XPO7: variants seen among roughly 807,000 people sequenced by gnomAD.
XPO7 encodes the protein exportin-7.
A neutral mutation model predicts 144.3 loss-of-function variants in XPO7; 21 were observed. The ratio of observed to expected loss-of-function variants is 0.15; its 90% CI spans 0.10 to 0.21. The LOEUF (loss-of-function observed/expected upper bound fraction) is 0.21. Ranked by LOEUF, XPO7 falls within the 10% of genes least tolerant of loss-of-function variation. The probability of loss-of-function intolerance (pLI) is 1.00; values close to 1 mark genes in which losing one functional copy is unlikely to be tolerated. For synonymous variants in XPO7, 580 were observed against 499.6 expected, an observed-to-expected ratio of 1.16 and a Z score of -2.15; for missense variants, 808 against 1,325.8, an observed-to-expected ratio of 0.61 and a Z score of 6.06.
intron 1 of XPO7, among the ~76,000 whole-genome samples, chr8:21,926,728 A>G (rs1271827166): frequency 2.6e-5 from 4 of 152,200 alleles, no homozygotes; most frequent in Non-Finnish European, 2.9e-5. Flanking sequence ...TATTTCACAT[A>G]TCAATACATC....
chr8:21,984,557 G>T, intron 11 of XPO7, 89 bp from the exon 12 acceptor site: 1 of 1,234,028 alleles, frequency 8.1e-7, no homozygotes, highest in Non-Finnish European at 1.1e-6. Flanking sequence ...AGAAATGGTG[G>T]CTAAGTGAAG....
intron 1 of XPO7, among the ~76,000 whole-genome samples, chr8:21,963,207 G>C (rs538897464): frequency 3.9e-5 from 6 of 152,308 alleles, no homozygotes; most frequent in South Asian, 2.1e-4. Flanking sequence ...GCTCATCTCA[G>C]ATGGCTGGGT....
intron 1 of XPO7, among the ~76,000 whole-genome samples, chr8:21,958,545 CTG>C (rs1038400605): frequency 4.6e-5 from 7 of 151,524 alleles, no homozygotes; most frequent in African/African-American, 1.7e-4. Context: ...CTTCAGCACT[CTG>C]TGGGCCATGT....
chr8:21,982,202 G>A (rs1375101710), intron 10 of XPO7, among the ~76,000 whole-genome samples: 1 of 152,166 alleles, frequency 6.6e-6, no homozygotes, highest in Non-Finnish European at 1.5e-5. Flanking sequence ...CTCTTTCTTA[G>A]TCATGTAATA....
chr8:21,932,901 A>C (rs1810699395), intron 1 of XPO7, among the ~76,000 whole-genome samples: 1 of 152,260 alleles, frequency 6.6e-6, no homozygotes, highest in Non-Finnish European at 1.5e-5. Context: ...ATGTATATTT[A>C]ATATTCACAT....
At chr8:21,932,025 C>T (rs537804878) in intron 1 of XPO7, among the ~76,000 whole-genome samples, 1 of 152,210 alleles carries the variant, frequency 6.6e-6, no homozygotes, top group African/African-American at 2.4e-5. Flanking sequence ...AAGCACCCAC[C>T]ACCACGCCCA....
intron 20 of XPO7, among the ~76,000 whole-genome samples, chr8:21,995,249 C>T (rs974142386): frequency 7.9e-5 from 12 of 152,034 alleles, no homozygotes; most frequent in African/African-American, 2.9e-4. Flanking sequence ...TGAAATACAT[C>T]ATGCTCTTCA....
chr8:21,932,940 A>T (rs576180884), intron 1 of XPO7, among the ~76,000 whole-genome samples: 48 of 152,140 alleles, frequency 3.2e-4, no homozygotes, highest in Non-Finnish European at 6.5e-4. Context: ...TAATATTCAC[A>T]TTGACCTTTG....
chr8:22,003,799 C>A, intron 26 of XPO7, 104 bp from the exon 27 acceptor site: 1 of 1,519,740 alleles, frequency 6.6e-7, no homozygotes, highest in Non-Finnish European at 8.9e-7. Flanking sequence ...AGTAGACATT[C>A]CATTCCTCCT....
rs917121833 is a variant in XPO7, at chr8:21,982,878, A to T, written c.1277+66A>T. Reference sequence around the variant, plus strand: ...TGTTGTCACACTTCCTAGAGATCAGACACCCCATTGGCAAAGAGGTACTCG... The same window carrying T: ...TGTTGTCACACTTCCTAGAGATCAGTCACCCCATTGGCAAAGAGGTACTCG... On this transcript the variant is annotated intron_variant, in intron 11 of 27. Coordinates refer to ENST00000252512, the MANE Select transcript of XPO7 (RefSeq NM_015024.5). The T allele has an allele frequency of 1.5e-5, 22 of 1,513,990 alleles. No individual in the cohort carries two copies. The African/African-American group carries it at 2.6e-4, about 18-fold the overall frequency. 93.8% of individuals were successfully genotyped at this position (1,513,990 alleles called of 1,614,324 possible).
intron 13 of XPO7, among the ~76,000 whole-genome samples, chr8:21,985,913 G>A (rs1812564249): frequency 6.6e-6 from 1 of 152,180 alleles, no homozygotes; most frequent in South Asian, 2.1e-4. Flanking sequence ...TACGGAATTA[G>A]GAAAACTAAA....
At chr8:21,947,650 A>T (rs568495680) in intron 1 of XPO7, among the ~76,000 whole-genome samples, 6 of 152,202 alleles carry the variant, frequency 3.9e-5, no homozygotes, top group African/African-American at 7.2e-5. Context: ...TGACTTTAGG[A>T]TAGGAAAAGA....
At chr8:21,961,204 G>GT (rs567708677) in intron 1 of XPO7, among the ~76,000 whole-genome samples, 1,994 of 136,642 alleles carry the variant, frequency 0.015, 22 homozygotes, top group African/African-American at 0.035. Context: ...GTCACAGGGT[G>GT]TTTTTTTTTT....
chr8:21,946,146 A>C (rs1032573359), intron 1 of XPO7, among the ~76,000 whole-genome samples: 9 of 152,192 alleles, frequency 5.9e-5, no homozygotes, highest in African/African-American at 2.2e-4. Context: ...AAAAGCCACC[A>C]TAGAAGAGAT....
At chr8:22,001,779 A>G (rs1465277700) in intron 24 of XPO7, among the ~76,000 whole-genome samples, 1 of 152,356 alleles carries the variant, frequency 6.6e-6, no homozygotes, top group Non-Finnish European at 1.5e-5. Flanking sequence ...AATTAGAGAT[A>G]ACACCTATAA....
chr8:21,980,673 G>C (rs972136057), intron 9 of XPO7, among the ~76,000 whole-genome samples: 1 of 151,872 alleles, frequency 6.6e-6, no homozygotes, highest in Non-Finnish European at 1.5e-5. Flanking sequence ...TACTCGGGAG[G>C]CTGAGGCAGG....
intron 22 of XPO7, 41 bp from the exon 23 acceptor site, chr8:21,999,050 T>G (rs1813048301): frequency 1.2e-6 from 2 of 1,611,104 alleles, no homozygotes; most frequent in African/African-American, 2.7e-5. Flanking sequence ...AACGAGCGCT[T>G]CTAATGTGGT....
At chr8:21,976,615 T>C in intron 7 of XPO7, 94 bp downstream of exon 7, 1 of 1,381,012 alleles carries the variant, frequency 7.2e-7, no homozygotes, top group South Asian at 1.5e-5. Flanking sequence ...CTCCTGTGTA[T>C]TCTGAGGGAG....
chr8:21,969,745 C>T (rs1272117326), intron 3 of XPO7, 169 bp downstream of exon 3: 2 of 654,068 alleles, frequency 3.1e-6, no homozygotes, highest in Non-Finnish European at 5.1e-6. Context: ...AAGTGAAGGG[C>T]CCGACGCAAT....
Sources: gnomAD v4.1 joint callset for allele counts (sites outside exome capture counted in the v4.1 genomes callset) on GRCh38, gnomAD v4.1.1 for gene constraint, MANE v1.5 for transcripts, NCBI Gene and HGNC (gene_info 2026-07-23, HGNC 2026-07-21) for gene names.